RPL7L1: variants seen among roughly 807,000 people sequenced by gnomAD.
RPL7L1 encodes ribosomal protein L7 like 1.
A neutral mutation model predicts 30.3 loss-of-function variants in RPL7L1; 20 were observed. The ratio of observed to expected loss-of-function variants is 0.66; its 90% confidence interval spans 0.46 to 0.96. The LOEUF is 0.96. RPL7L1 is among the 40% of genes least tolerant of loss of function. The pLI is 0.00. For missense variants in RPL7L1, 271 were observed against 314.9 expected (o/e 0.86, Z 1.05); for synonymous variants, 107 against 110.1 (o/e 0.97, Z 0.18).
chr6:42,881,483 T>A (rs1373888073), intron 2 of RPL7L1: 2 of 152,002 alleles, frequency 1.3e-5, no homozygotes, highest in African/African-American at 4.8e-5. Context: ...AATAAATAAA[T>A]AAATAACTGG....
intron 2 of RPL7L1, 43 bp from the exon 3 acceptor site, chr6:42,883,408 T>A: frequency 2.0e-6 from 3 of 1,488,416 alleles, no homozygotes; most frequent in Non-Finnish European, 2.7e-6. Context: ...AGTAAAAATG[T>A]ATGGAGGCAC....
chr6:42,880,939 A>G lies in RPL7L1; in HGVS notation c.120A>G (p.Ala40=). 2 of 1,595,638 alleles carry G rather than the reference A, an allele frequency of 1.3e-6. No individual in the cohort carries two copies. The highest frequency in any genetic ancestry group is 1.7e-6 in the Non-Finnish European group (2 of 1,163,544). ...KAYQALKATQ[A]KQALLAKKEQ... ...ATCAAGCCCTCAAAGCCACCCAGGC[A>G]AAGCAGGCACTTTTGGCAAAGAAGG... Residue 40 remains alanine, a synonymous_variant, in exon 2 of 6, where the codon GCA becomes GCG. Transcript: ENST00000493763.
chr6:42,881,714 G>T (rs1176060158), intron 2 of RPL7L1: 1 of 151,540 alleles, frequency 6.6e-6, no homozygotes, highest in African/African-American at 2.4e-5. Flanking sequence ...AGGATTACAA[G>T]CATGCGCCAC....
rs375871884 is a variant in RPL7L1 at position 42,883,500 on chromosome 6, A to G, written c.197A>G (p.His66Arg). 38 of 1,609,448 alleles carry G rather than the reference A, an allele frequency of 2.4e-5. No homozygotes were observed. In the African/African-American group the frequency reaches 3.2e-4, roughly 14 times the overall value. Residue 66 changes from histidine to arginine, a missense_variant, in exon 3 of 6, where the codon CAT becomes CGT. By Grantham distance (29) the His-to-Arg change is conservative (BLOSUM62 0). Transcript: ENST00000493763. ...LRFKRLESFL[H>R]DSWRQKRDKV... ...TTTAAGCGACTGGAATCATTCCTAC[A>G]TGATTCCTGGCGGCAGAAACGTGAC...
At position 42,889,843 on chromosome 6, in the gene RPL7L1, C is replaced by T. The variant is rs1353048057; in HGVS notation, c.*3379C>T. 6.6e-6 allele frequency: 1 copy of T among 152,008 alleles called. No individual in the cohort carries two copies. The highest frequency in any genetic ancestry group is 6.5e-5 in the Admixed American group (1 of 15,272). The allele number at this position is 152,008 out of a possible 1,614,324, so 9.4% of individuals were successfully genotyped here. A position where few individuals can be genotyped will look rare whatever the true frequency, so the allele number is the denominator to read the frequency against. On this transcript the variant is annotated 3_prime_UTR_variant, in exon 6 of 6. Coordinates refer to ENST00000493763, the MANE Select transcript of RPL7L1 (RefSeq NM_001366481.3). ...ATAAATTTTAAAAAACCTAATAAAA[C>T]AAGTTTGTAATTTATAATTGTATAC...
intron 4 of RPL7L1, 46 bp downstream of exon 4, chr6:42,884,796 G>A (rs536059094): frequency 1.1e-4 from 173 of 1,570,186 alleles, no homozygotes; most frequent in Non-Finnish European, 1.5e-4. Context: ...TTCTATTTGA[G>A]TGTGTCAGGG....
chr6:42,880,711 C>T, intron 1 of RPL7L1, 150 bp from the exon 2 acceptor site: 1 of 484,416 alleles, frequency 2.1e-6, no homozygotes, highest in South Asian at 2.3e-5. Context: ...GGGGGTTTCA[C>T]CATGTTGGTC....
chr6:42,883,239 G>A (rs1488210170), intron 2 of RPL7L1: 4 of 401,588 alleles, frequency 1.0e-5, no homozygotes, highest in Admixed American at 4.2e-5. Flanking sequence ...TTTTTTGTTC[G>A]TTATTTTTCC....
At position 42,886,754 on chromosome 6, in the gene RPL7L1, G is replaced by A; in HGVS notation, c.*290G>A. On this transcript the variant is annotated 3_prime_UTR_variant, in exon 6 of 6. Transcript: ENST00000493763. The stretch of plus-strand genomic sequence containing the variant: ...CTCACGCCTGTAATCCCAGCACTTT[G>A]GGAGGCCAAGGCGGGCAGACCATGA... 3.3e-6 allele frequency: 1 copy of A among 300,576 alleles called. No homozygotes were observed. The highest frequency in any genetic ancestry group is 6.5e-6 in the Non-Finnish European group (1 of 153,918). 18.6% of individuals were successfully genotyped at this position (300,576 alleles called of 1,614,324 possible).
At position 42,879,693 on chromosome 6, in the gene RPL7L1, G is replaced by T; in HGVS notation, c.-218G>T. 1 of 519,188 alleles carries T rather than the reference G, an allele frequency of 1.9e-6. No homozygotes were observed. Among genetic ancestry groups the T allele is most frequent in the Non-Finnish European group, 3.5e-6 (1 of 284,490 alleles). The allele number at this position is 519,188 out of a possible 1,614,324, so 32.2% of individuals were successfully genotyped here. The stretch of plus-strand genomic sequence containing the variant: ...CAGCCAGGCCGCTTGTGATGAAACT[G>T]TAACTTACAAGAAAAGGGCTGGGTT... On this transcript the variant is annotated 5_prime_UTR_variant, in exon 1 of 6. Transcript: ENST00000493763.
chr6:42,886,341 G>C lies in RPL7L1; in HGVS notation c.645G>C (p.Leu215Phe). The change falls in exon 6 of 6, where the codon TTG becomes TTC. Residue 215 changes from leucine to phenylalanine, a missense_variant. Coordinates refer to ENST00000493763, the MANE Select transcript of RPL7L1 (RefSeq NM_001366481.3). ...ATTTCCAGGAGATCTCATGGTTCTT[G>C]TGCCCTTTCCACCTCTCAGTGGCCC... The part of the protein sequence containing the change: ...GKHFQEISWF[L>F]CPFHLSVARH... 6.2e-7 allele frequency: 1 copy of C among 1,606,668 alleles called. No individual in the cohort carries two copies. The highest frequency in any genetic ancestry group is 1.3e-5 in the African/African-American group (1 of 74,926).
chr6:42,879,640 T>G lies in RPL7L1; in HGVS notation c.-271T>G, dbSNP rs1581652823. The G allele has an allele frequency of 2.8e-6, 1 of 362,050 alleles. No homozygotes were observed. The highest frequency in any genetic ancestry group is 5.3e-6 in the Non-Finnish European group (1 of 187,792). The allele number at this position is 362,050 out of a possible 1,614,324, so 22.4% of individuals were successfully genotyped here. ...CGTAGCTAGGAGCGGACGCCATAGGTGCATTGTGGGAAGCACTTTGCTGTC... is the reference window on the plus strand; with the variant it reads ...CGTAGCTAGGAGCGGACGCCATAGGGGCATTGTGGGAAGCACTTTGCTGTC... On this transcript the variant is annotated 5_prime_UTR_variant, in exon 1 of 6. Transcript: ENST00000493763.
Position 42,886,531 on chromosome 6 carries a change from T to C in RPL7L1, c.*67T>C, listed in dbSNP as rs140957955. ...TTTGATAGGCCATGCCTTGCCACTTTACAAGTTCTTTTTGCATTTACTAGT... is the reference window on the plus strand; with the variant it reads ...TTTGATAGGCCATGCCTTGCCACTTCACAAGTTCTTTTTGCATTTACTAGT... On this transcript the variant is annotated 3_prime_UTR_variant, in exon 6 of 6. Coordinates refer to ENST00000493763, the MANE Select transcript of RPL7L1 (RefSeq NM_001366481.3). The C allele has an allele frequency of 0.021, 15,748 of 760,400 alleles. 1,690 individuals carry two copies. In the African/African-American group the frequency reaches 0.24, roughly 11 times the overall value. The allele number at this position is 760,400 out of a possible 1,614,324, so 47.1% of individuals were successfully genotyped here.
At chr6:42,883,370 G>A in intron 2 of RPL7L1, 81 bp from the exon 3 acceptor site, 1 of 1,106,542 alleles carries the variant, frequency 9.0e-7, no homozygotes, top group Non-Finnish European at 1.3e-6. Flanking sequence ...AGCTATATCA[G>A]TTGTCACTTA....
In RPL7L1 at chr6:42,879,932, A is replaced by G. The variant is rs772130843; in HGVS notation, c.22A>G (p.Arg8Gly). 2 of 1,614,148 alleles carry G rather than the reference A, an allele frequency of 1.2e-6. No homozygotes were observed. Among genetic ancestry groups the G allele is most frequent in the African/African-American group, 1.3e-5 (1 of 75,066 alleles). The change falls in exon 1 of 6, where the codon AGA (arginine) becomes GGA (glycine). Residue 8 changes from arginine to glycine, a missense_variant. Coordinates refer to ENST00000493763, the MANE Select transcript of RPL7L1 (RefSeq NM_001366481.3). ...GCGCATGATCAGTAGCTGCACCACTAGAAAGATGGCGGAGCAAGAGTGAGT... is the reference window on the plus strand; with the variant it reads ...GCGCATGATCAGTAGCTGCACCACTGGAAAGATGGCGGAGCAAGAGTGAGT... MISSCTTRKMAEQEQRKI... is the reference protein window; with the variant it reads MISSCTTGKMAEQEQRKI...
chr6:42,881,034 G>T, intron 2 of RPL7L1, 68 bp downstream of exon 2: 1 of 856,932 alleles, frequency 1.2e-6, no homozygotes, highest in East Asian at 2.5e-5. Context: ...CGCATGTGTT[G>T]GACTACATTT....
chr6:42,888,763 G>C lies in RPL7L1; in HGVS notation c.*2299G>C, dbSNP rs1015998615. On this transcript the variant is annotated 3_prime_UTR_variant, in exon 6 of 6. Coordinates refer to ENST00000493763, the MANE Select transcript of RPL7L1 (RefSeq NM_001366481.3). ...GGATGAAATTAGCACTGTTTGGCTCGTTAGGCCCCAGGCAGGCAGGCACCT... is the reference window on the plus strand; with the variant it reads ...GGATGAAATTAGCACTGTTTGGCTCCTTAGGCCCCAGGCAGGCAGGCACCT... 6.6e-6 allele frequency: 1 copy of C among 152,162 alleles called. No homozygotes were observed. Among genetic ancestry groups the C allele is most frequent in the African/African-American group, 2.4e-5 (1 of 41,424 alleles). The allele number at this position is 152,162 out of a possible 1,614,324, so 9.4% of individuals were successfully genotyped here.
Position 42,884,647 on chromosome 6 carries a change from A to G in RPL7L1, c.346A>G (p.Ile116Val), listed in dbSNP as rs1329515677. 6 of 1,613,506 alleles carry G rather than the reference A, an allele frequency of 3.7e-6. No individual in the cohort carries two copies. Among genetic ancestry groups the G allele is most frequent in the Non-Finnish European group, 5.1e-6 (6 of 1,179,834 alleles). ...CGTGAGTTTACTGGTGCAGAGAACC[A>G]TTGCAAGACTTCGCCTAAAGAAAAT... ...DGVSLLVQRT[I>V]ARLRLKKIFS... Residue 116 changes from isoleucine (I) to valine (V), a missense_variant, in exon 4 of 6, where the codon ATT (isoleucine) becomes GTT (valine). By Grantham distance (29) the Ile-to-Val change is conservative. Coordinates refer to ENST00000493763, the MANE Select transcript of RPL7L1 (RefSeq NM_001366481.3).
rs932047765 is a variant in RPL7L1, at chr6:42,887,060, A to G, written c.*596A>G. The G allele has an allele frequency of 2.0e-5, 3 of 149,356 alleles. No homozygotes were observed. The highest frequency in any genetic ancestry group is 7.4e-5 in the African/African-American group (3 of 40,762). The allele number at this position is 149,356 out of a possible 1,614,324, so 9.3% of individuals were successfully genotyped here. The stretch of plus-strand genomic sequence containing the variant: ...GAAATGAGGAAAGAATAATATTAAT[A>G]ACTGATTTCAAAAAGGACTTGAAGA... On this transcript the variant is annotated 3_prime_UTR_variant, in exon 6 of 6. Coordinates refer to ENST00000493763, the MANE Select transcript of RPL7L1 (RefSeq NM_001366481.3).
Sources: allele counts gnomAD v4.1 joint callset, GRCh38; gene constraint gnomAD v4.1.1; transcripts MANE v1.5; gene names NCBI Gene and HGNC (gene_info 2026-07-23, HGNC 2026-07-21).